The following SREK1IP1 variants were observed in gnomAD, a reference collection of about 807,000 sequenced individuals.
The protein encoded by SREK1IP1 is SREK1 interacting protein 1.
A neutral mutation model predicts 22.8 loss-of-function variants in SREK1IP1; 12 were observed. That is an observed-to-expected ratio of 0.53 (90% CI 0.34 to 0.85). The LOEUF (loss-of-function observed/expected upper bound fraction) is 0.85, where lower values mean the gene tolerates loss of function less well. Ranked by LOEUF, SREK1IP1 falls within the 40% of genes least tolerant of loss-of-function variation. SREK1IP1 has a pLI of 0.02. For missense variants in SREK1IP1, 147 were observed against 171.8 expected (o/e 0.86, Z 0.81); for synonymous variants, 53 against 52.7 (o/e 1.01, Z -0.02).
At chr5:64,736,363 G>A (rs1203698236) in intron 3 of SREK1IP1, among the ~76,000 whole-genome samples, 4 of 152,110 alleles carry the variant, frequency 2.6e-5, no homozygotes, top group Non-Finnish European at 5.9e-5. Context: ...TGTTGAGATC[G>A]CTGGCTATAA....
Position 64,752,023 on chromosome 5 carries a change from T to C in SREK1IP1, c.61+2292A>G, listed in dbSNP as rs180728823. Among the ~76,000 whole-genome samples, 6 of 152,118 alleles carry C rather than the reference T, an allele frequency of 3.9e-5. No homozygotes were observed. The East Asian group carries it at 9.7e-4, about 25-fold the overall frequency. ...ATGATTATTTGAGACATTTATCCCA[T>C]AAATAATCCCAAGGCCTAGTGTCCT... is the stretch of plus-strand genomic sequence containing the variant. On this transcript the variant is annotated intron_variant, in intron 2 of 4. Coordinates refer to ENST00000513458, the MANE Select transcript of SREK1IP1 (RefSeq NM_173829.4).
At chr5:64,757,761 G>A (rs1178480432) in intron 1 of SREK1IP1, among the ~76,000 whole-genome samples, 1 of 151,048 alleles carries the variant, frequency 6.6e-6, no homozygotes, top group Non-Finnish European at 1.5e-5. Context: ...CAAACTCCAG[G>A]TCTTTTAAGA....
intron 2 of SREK1IP1, among the ~76,000 whole-genome samples, chr5:64,751,916 T>C (rs1742748350): frequency 6.6e-6 from 1 of 152,146 alleles, no homozygotes; most frequent in Non-Finnish European, 1.5e-5. Context: ...GGTATTTACA[T>C]ATTTGTTTTT....
chr5:64,726,919 G>A (rs1742277980), intron 4 of SREK1IP1, among the ~76,000 whole-genome samples: 1 of 152,074 alleles, frequency 6.6e-6, no homozygotes, highest in Admixed American at 6.6e-5. Context: ...CACATAAATT[G>A]GGAACTATCT....
chr5:64,745,039 A>T (rs1250848996), intron 2 of SREK1IP1, among the ~76,000 whole-genome samples: 2 of 152,166 alleles, frequency 1.3e-5, no homozygotes, highest in Non-Finnish European at 2.9e-5. Context: ...CCAGGGCTTG[A>T]AAGTGTCACT....
chr5:64,760,241 A>T (rs763345598), intron 1 of SREK1IP1, among the ~76,000 whole-genome samples: 3 of 152,260 alleles, frequency 2.0e-5, no homozygotes, highest in Admixed American at 6.5e-5. Context: ...AAAAAAAAGA[A>T]GATGATAGAG....
chr5:64,741,163 T>TC lies in SREK1IP1; in HGVS notation c.98dup (p.Val34SerfsTer4). On this transcript the variant is annotated frameshift_variant, in exon 3 of 5. Coordinates refer to ENST00000513458, the MANE Select transcript of SREK1IP1 (RefSeq NM_173829.4). LOFTEE classifies it high-confidence loss of function. ...AAACTATGTCCCTTTTAGGGTCTAC[T>TC]CGGAGAAAATTGCGGCATTCAAAAG... 6.2e-7 allele frequency: 1 copy of TC among 1,612,198 alleles called. No homozygotes were observed. The highest frequency in any genetic ancestry group is 8.5e-7 in the Non-Finnish European group (1 of 1,178,972).
At chr5:64,751,588 T>C (rs1483811181) in intron 2 of SREK1IP1, among the ~76,000 whole-genome samples, 2 of 152,244 alleles carry the variant, frequency 1.3e-5, no homozygotes, top group Non-Finnish European at 2.9e-5. Flanking sequence ...TGTCCAGGAC[T>C]GTCCTACCAT....
chr5:64,741,008 A>C, intron 3 of SREK1IP1, 49 bp downstream of exon 3: 1 of 1,526,902 alleles, frequency 6.5e-7, no homozygotes, highest in South Asian at 1.1e-5. Context: ...ATATAATATG[A>C]CAGAACATTT....
rs1348005764 is a variant in SREK1IP1, at chr5:64,718,171, T to C, written c.*6213A>G. 1.7e-6 allele frequency: 1 copy of C among 580,388 alleles called. No homozygotes were observed. Among genetic ancestry groups the C allele is most frequent in the Non-Finnish European group, 2.8e-6 (1 of 362,114 alleles). The allele number at this position is 580,388 out of a possible 1,614,324, so 36.0% of individuals were successfully genotyped here. A position where few individuals can be genotyped will look rare whatever the true frequency, so the allele number is the denominator to read the frequency against. On this transcript the variant is annotated 3_prime_UTR_variant, in exon 5 of 5. Transcript: ENST00000513458. ...CATTTTTGATCATTCAGTTACTTTA[T>C]TAAACGCACATTAAGGTTTTATTGG... is the stretch of plus-strand genomic sequence containing the variant.
intron 3 of SREK1IP1, among the ~76,000 whole-genome samples, chr5:64,728,762 A>G (rs897908680): frequency 2.6e-5 from 4 of 152,184 alleles, no homozygotes; most frequent in Non-Finnish European, 5.9e-5. Flanking sequence ...GTCATTAAAT[A>G]TATATCATTA....
At chr5:64,745,931 GA>G (rs1434633661) in intron 2 of SREK1IP1, among the ~76,000 whole-genome samples, 2 of 149,416 alleles carry the variant, frequency 1.3e-5, no homozygotes, top group Non-Finnish European at 3.0e-5. Flanking sequence ...CAATGTAGAA[GA>G]AAAAAAAAGG....
At chr5:64,740,983 A>T in intron 3 of SREK1IP1, 74 bp downstream of exon 3, 1 of 1,343,704 alleles carries the variant, frequency 7.4e-7, no homozygotes, top group Non-Finnish European at 1.0e-6. Context: ...CTTAGTAAGT[A>T]TAATGGAAAG....
At chr5:64,764,892 A>G (rs1411654878) in intron 1 of SREK1IP1, among the ~76,000 whole-genome samples, 1 of 152,238 alleles carries the variant, frequency 6.6e-6, no homozygotes, top group Admixed American at 6.5e-5. Context: ...TTACTAAGAT[A>G]CTATCATAAT....
intron 1 of SREK1IP1, 110 bp downstream of exon 1, chr5:64,768,395 C>A (rs1276497209): frequency 7.2e-7 from 1 of 1,391,212 alleles, no homozygotes; most frequent in Non-Finnish European, 1.0e-6. Flanking sequence ...AATTTTAAGG[C>A]CTCCGCCTAA....
At chr5:64,751,021 T>G (rs1242012413) in intron 2 of SREK1IP1, among the ~76,000 whole-genome samples, 3 of 152,120 alleles carry the variant, frequency 2.0e-5, no homozygotes, top group African/African-American at 2.4e-5. Flanking sequence ...CTTTCTCTAT[T>G]TCATCCCCCA....
chr5:64,723,642 A>G lies in SREK1IP1; in HGVS notation c.*742T>C, dbSNP rs1234386400. The G allele has an allele frequency of 6.6e-6, 1 of 152,640 alleles. No homozygotes were observed. The allele number at this position is 152,640 out of a possible 1,614,324, so 9.5% of individuals were successfully genotyped here. A position where few individuals can be genotyped will look rare whatever the true frequency, so the allele number is the denominator to read the frequency against. ...CTATTCTAAAAATCACAACCAACTC[A>G]GCATCATCTCTGCAGACTTACTAAC... On this transcript the variant is annotated 3_prime_UTR_variant, in exon 5 of 5. Transcript: ENST00000513458.
chr5:64,743,269 A>G (rs1742579788), intron 2 of SREK1IP1, among the ~76,000 whole-genome samples: 1 of 152,192 alleles, frequency 6.6e-6, no homozygotes, highest in Admixed American at 6.5e-5. Context: ...CTGTGTTACA[A>G]CTGCCTACAC....
intron 3 of SREK1IP1, among the ~76,000 whole-genome samples, chr5:64,731,461 T>C (rs2112089481): frequency 1.3e-5 from 2 of 149,508 alleles, no homozygotes; most frequent in East Asian, 3.9e-4. Flanking sequence ...CTGCAGTGAT[T>C]CCAGAAGCCA....
Sources: gnomAD v4.1 joint callset for allele counts (sites outside exome capture counted in the v4.1 genomes callset) on GRCh38, gnomAD v4.1.1 for gene constraint, MANE v1.5 for transcripts, NCBI Gene and HGNC (gene_info 2026-07-23, HGNC 2026-07-21) for gene names.